CSMD1: variants seen among roughly 807,000 people sequenced by gnomAD.
The protein encoded by CSMD1 is CUB and Sushi multiple domains 1, also known as CUB and sushi domain-containing protein 1.
CSMD1 carries 213 observed loss-of-function variants against 417.5 expected under a neutral mutation model. That is an observed-to-expected ratio of 0.51 (90% CI 0.46 to 0.57). The LOEUF (loss-of-function observed/expected upper bound fraction) is 0.57. Ranked by LOEUF, CSMD1 falls within the 20% of genes least tolerant of loss-of-function variation. CSMD1 has a pLI of 0.00. For missense variants in CSMD1, 6,923 were observed against 4,529.7 expected (o/e 1.53, Z -15.17); for synonymous variants, 2,862 against 1,736.8 (o/e 1.65, Z -16.11).
intron 3 of CSMD1, among the ~76,000 whole-genome samples, chr8:4,395,972 A>T (rs1804179529): frequency 6.6e-6 from 1 of 152,212 alleles, no homozygotes; most frequent in South Asian, 2.1e-4. Flanking sequence ...CTTTAGATAA[A>T]TATATTCTGT....
At chr8:4,080,569 T>C (rs567143434) in intron 3 of CSMD1, among the ~76,000 whole-genome samples, 37 of 152,350 alleles carry the variant, frequency 2.4e-4, no homozygotes, top group African/African-American at 6.7e-4. Flanking sequence ...TAAAACTGTA[T>C]TGCATATTTA....
At chr8:3,625,073 T>TG (rs950310316) in intron 7 of CSMD1, among the ~76,000 whole-genome samples, 2 of 143,182 alleles carry the variant, frequency 1.4e-5, no homozygotes, top group African/African-American at 5.0e-5. Context: ...GCATAACAGT[T>TG]TTTTTTTTAT....
chr8:4,328,603 T>C (rs1050190917), intron 3 of CSMD1, among the ~76,000 whole-genome samples: 2 of 152,084 alleles, frequency 1.3e-5, no homozygotes, highest in African/African-American at 4.8e-5. Context: ...AATGAAGTCA[T>C]TTTGTTTTGA....
Position 3,358,113 on chromosome 8 carries a change from T to C in CSMD1, c.3304+1039A>G, listed in dbSNP as rs558270420. On this transcript the variant is annotated intron_variant, in intron 21 of 69. Coordinates refer to ENST00000635120, the MANE Select transcript of CSMD1 (RefSeq NM_033225.6). ...ACAAGTTATGCTAAACAAGTTATGC[T>C]AAGTGAACATGTTTGTGTTTTATAT... is the stretch of plus-strand genomic sequence containing the variant. Among the ~76,000 whole-genome samples the C allele has an allele frequency of 7.5e-4, 114 of 152,280 alleles. 2 individuals are homozygous for C. In the South Asian group the frequency reaches 0.02, roughly 27 times the overall value.
intron 1 of CSMD1, among the ~76,000 whole-genome samples, chr8:4,812,699 A>G (rs1563466695): frequency 1.3e-5 from 2 of 152,198 alleles, no homozygotes; most frequent in Admixed American, 6.5e-5. Context: ...TATGAAAGAA[A>G]CATGTAAAAA....
intron 5 of CSMD1, among the ~76,000 whole-genome samples, chr8:3,804,828 A>G (rs1165551681): frequency 1.3e-5 from 2 of 152,232 alleles, no homozygotes; most frequent in Non-Finnish European, 2.9e-5. Flanking sequence ...TGAGTACAAC[A>G]CATCATAAAG....
At chr8:3,930,926 T>C (rs1046509432) in intron 5 of CSMD1, among the ~76,000 whole-genome samples, 1 of 150,566 alleles carries the variant, frequency 6.6e-6, no homozygotes, top group Non-Finnish European at 1.5e-5. Flanking sequence ...AATGGTTCAA[T>C]TGTTGCTAGG....
intron 5 of CSMD1, among the ~76,000 whole-genome samples, chr8:3,960,172 G>C (rs924830549): frequency 6.6e-6 from 1 of 152,120 alleles, no homozygotes; most frequent in Non-Finnish European, 1.5e-5. Context: ...CTTCTTGTAT[G>C]TTGCCTTTAC....
intron 10 of CSMD1, among the ~76,000 whole-genome samples, chr8:3,502,970 G>T (rs754016563): frequency 6.6e-6 from 1 of 152,106 alleles, no homozygotes; most frequent in Non-Finnish European, 1.5e-5. Context: ...TGCTTACAGT[G>T]GGGAGGTTGT....
chr8:4,653,144 A>T (rs1444790884), intron 1 of CSMD1, among the ~76,000 whole-genome samples: 4 of 152,028 alleles, frequency 2.6e-5, no homozygotes, highest in Admixed American at 6.5e-5. Flanking sequence ...TTTAGTAGAA[A>T]TTTCCAAAGT....
In CSMD1 at chr8:3,981,305, G is replaced by C. The variant is rs184290612; in HGVS notation, c.818+16598C>G. Among the ~76,000 whole-genome samples the C allele has an allele frequency of 1.8e-4, 28 of 152,084 alleles. No homozygotes were observed. In the East Asian group the frequency reaches 4.8e-3, roughly 26 times the overall value. On this transcript the variant is annotated intron_variant, in intron 5 of 69. Transcript: ENST00000635120. Reference sequence around the variant, plus strand: ...GGGAGCTAAGCTATGAGGACACAAAGGCAAAAGAATGATAACAGCGGATTT... The same window carrying C: ...GGGAGCTAAGCTATGAGGACACAAACGCAAAAGAATGATAACAGCGGATTT...
chr8:4,595,931 G>A (rs1010983192), intron 2 of CSMD1, among the ~76,000 whole-genome samples: 1 of 151,938 alleles, frequency 6.6e-6, no homozygotes, highest in Non-Finnish European at 1.5e-5. Flanking sequence ...TGTAAATCTT[G>A]CTCTTACTAA....
chr8:3,460,904 A>G (rs369026384), intron 12 of CSMD1, among the ~76,000 whole-genome samples: 1 of 152,156 alleles, frequency 6.6e-6, no homozygotes, highest in African/African-American at 2.4e-5. Flanking sequence ...GGCAGACATG[A>G]CCACTTGTGG....
chr8:4,288,309 G>C (rs1797172534), intron 3 of CSMD1, among the ~76,000 whole-genome samples: 2 of 151,962 alleles, frequency 1.3e-5, no homozygotes. Context: ...CTATTTTTGG[G>C]GCCACCCTGA....
intron 3 of CSMD1, among the ~76,000 whole-genome samples, chr8:4,136,124 C>G (rs1276593069): frequency 1.3e-5 from 2 of 152,108 alleles, no homozygotes; most frequent in Non-Finnish European, 2.9e-5. Context: ...TTCCAAAGGA[C>G]CTCTCAAAAA....
At chr8:3,090,983 G>A (rs59300583) in intron 48 of CSMD1, among the ~76,000 whole-genome samples, 8,832 of 151,940 alleles carry the variant, frequency 0.058, 847 homozygotes, top group African/African-American at 0.2. Flanking sequence ...AGTATATAAA[G>A]GGCAAAATAA....
chr8:4,236,919 T>C (rs779722913), intron 3 of CSMD1, among the ~76,000 whole-genome samples: 5 of 152,162 alleles, frequency 3.3e-5, no homozygotes, highest in African/African-American at 9.7e-5. Context: ...TCAGCTAAAA[T>C]TGTAATCAGA....
chr8:3,464,505 C>T (rs913480183), intron 12 of CSMD1, among the ~76,000 whole-genome samples: 4 of 151,350 alleles, frequency 2.6e-5, no homozygotes, highest in Non-Finnish European at 5.9e-5. Flanking sequence ...CCCGGACTCA[C>T]ATTATCTTTT....
chr8:3,959,114 T>C (rs1186875006), intron 5 of CSMD1, among the ~76,000 whole-genome samples: 1 of 152,212 alleles, frequency 6.6e-6, no homozygotes, highest in Admixed American at 6.6e-5. Context: ...GCTTTCACTT[T>C]TATATCGCAC....
Sources: allele counts gnomAD v4.1 joint callset (sites outside exome capture counted in the v4.1 genomes callset), GRCh38; gene constraint gnomAD v4.1.1; transcripts MANE v1.5; gene names NCBI Gene and HGNC (gene_info 2026-07-23, HGNC 2026-07-21).